The following IL1RAPL1 variants were observed in gnomAD, a reference collection of about 807,000 sequenced individuals.
The protein encoded by IL1RAPL1 is interleukin-1 receptor accessory protein-like 1.
Under a neutral mutation model 48.4 loss-of-function variants are expected in IL1RAPL1, and 3 were observed. The observed-to-expected ratio is 0.06, with a 90% CI of 0.03 to 0.16. IL1RAPL1 has a LOEUF of 0.16. IL1RAPL1 is among the 10% of genes least tolerant of loss of function. IL1RAPL1 has a pLI of 1.00. For synonymous variants in IL1RAPL1, 185 were observed against 187.7 expected (o/e 0.99, Z 0.12); for missense variants, 349 against 530.6 (o/e 0.66, Z 3.36).
chrX:29,619,117 G>A (rs1026163110), intron 5 of IL1RAPL1, among the ~76,000 whole-genome samples: 4 of 111,515 alleles, frequency 3.6e-5, no homozygotes, highest in African/African-American at 9.8e-5. Flanking sequence ...ATGTTGTTGA[G>A]TGGTCTTCGT....
At chrX:28,955,943 C>A (rs1398723569) in intron 2 of IL1RAPL1, among the ~76,000 whole-genome samples, 8 of 94,652 alleles carry the variant, frequency 8.5e-5, no homozygotes, top group Non-Finnish European at 1.3e-4. Context: ...CTTTTATTTC[C>A]TTGAGCAGTG....
intron 6 of IL1RAPL1, among the ~76,000 whole-genome samples, chrX:29,831,730 G>A (rs1328250243): frequency 9.0e-6 from 1 of 111,497 alleles, no homozygotes; most frequent in Non-Finnish European, 1.9e-5. Context: ...AAAGTGGAGA[G>A]CCTTGTCTAA....
intron 3 of IL1RAPL1, among the ~76,000 whole-genome samples, chrX:29,340,900 C>T (rs1171722188): frequency 1.8e-5 from 2 of 111,457 alleles, no homozygotes; most frequent in African/African-American, 3.3e-5. Context: ...CATCTAGTGC[C>T]CTTAAAAATA....
intron 2 of IL1RAPL1, among the ~76,000 whole-genome samples, chrX:28,889,581 A>G (rs1248347197): frequency 9.0e-6 from 1 of 111,453 alleles, no homozygotes; most frequent in East Asian, 2.8e-4. Flanking sequence ...TTCTGAAGAC[A>G]TATTTTTTCA....
At chrX:29,845,397 G>A (rs1159652460) in intron 6 of IL1RAPL1, among the ~76,000 whole-genome samples, 2 of 110,856 alleles carry the variant, frequency 1.8e-5, no homozygotes, top group Non-Finnish European at 3.8e-5. Context: ...CGGGTAGGGA[G>A]GGTTTTGTGG....
Position 29,922,104 on chromosome X carries a change from A to G in IL1RAPL1, c.1057+2010A>G, listed in dbSNP as rs200758301. ...GTGACAGTTAAGTAGGAATCAAAGG[A>G]GAAGGGGAGGAAAATGAATTATATC... On this transcript the variant is annotated intron_variant, in intron 8 of 10. Transcript: ENST00000378993. Among the ~76,000 whole-genome samples the G allele has an allele frequency of 2.0e-4, 22 of 110,923 alleles. No homozygotes were observed. In the East Asian group the frequency reaches 6.3e-3, roughly 32 times the overall value.
intron 6 of IL1RAPL1, among the ~76,000 whole-genome samples, chrX:29,766,342 A>T (rs200363477): frequency 0.045 from 2,130 of 47,462 alleles, 66 homozygotes; most frequent in African/African-American, 0.072. Context: ...AAAAAAAAAA[A>T]ATATATATAT....
Position 28,605,627 on chromosome X carries a change from G to A in IL1RAPL1, c.-25+17580G>A, listed in dbSNP as rs139182623. On this transcript the variant is annotated intron_variant, in intron 1 of 10. Transcript: ENST00000378993. Reference sequence around the variant, plus strand: ...AGTCTGCTCTCAATATAGCAGCTACGGTTGCCTTTTGAAAATGGACAGGTT... The same window carrying A: ...AGTCTGCTCTCAATATAGCAGCTACAGTTGCCTTTTGAAAATGGACAGGTT... Among the ~76,000 whole-genome samples, 1,092 of 112,104 alleles carry A rather than the reference G, an allele frequency of 9.7e-3. 12 individuals carry two copies. Among genetic ancestry groups the A allele is most frequent in the African/African-American group, 0.033 (1,027 of 30,899 alleles).
Position 29,707,414 on chromosome X carries a change from C to T in IL1RAPL1, c.778+38910C>T, listed in dbSNP as rs761568860. Among the ~76,000 whole-genome samples the T allele has an allele frequency of 2.7e-5, 3 of 111,808 alleles. No homozygotes were observed. In the South Asian group the frequency reaches 1.1e-3, roughly 41 times the overall value. The stretch of plus-strand genomic sequence containing the variant: ...AAGAACCAAAAGTAGATCTTTTGAT[C>T]CAGCATTCTCACTACTAGGTATGTA... On this transcript the variant is annotated intron_variant, in intron 6 of 10. Coordinates refer to ENST00000378993, the MANE Select transcript of IL1RAPL1 (RefSeq NM_014271.4).
At chrX:28,616,454 A>G (rs1934219032) in intron 1 of IL1RAPL1, among the ~76,000 whole-genome samples, 1 of 104,054 alleles carries the variant, frequency 9.6e-6, no homozygotes, top group South Asian at 4.3e-4. Flanking sequence ...TTTTTTTTAG[A>G]TGGCGTTTCA....
chrX:29,735,093 G>A (rs766461511), intron 6 of IL1RAPL1, among the ~76,000 whole-genome samples: 71 of 111,818 alleles, frequency 6.3e-4, no homozygotes, highest in Non-Finnish European at 1.1e-3. Context: ...GTCTGGAATC[G>A]AACTCCCTAA....
At chrX:29,099,474 A>G (rs1266397193) in intron 2 of IL1RAPL1, among the ~76,000 whole-genome samples, 1 of 112,103 alleles carries the variant, frequency 8.9e-6, no homozygotes, top group Non-Finnish European at 1.9e-5. Context: ...TCCTTACAAT[A>G]ACATTACTAA....
intron 1 of IL1RAPL1, among the ~76,000 whole-genome samples, chrX:28,611,868 G>A (rs1306877646): frequency 8.9e-6 from 1 of 112,585 alleles, no homozygotes; most frequent in East Asian, 2.8e-4. Flanking sequence ...AATATGATGA[G>A]GGCCAGGACA....
intron 2 of IL1RAPL1, among the ~76,000 whole-genome samples, chrX:29,139,938 G>T (rs1041760754): frequency 9.0e-6 from 1 of 111,121 alleles, no homozygotes; most frequent in Non-Finnish European, 1.9e-5. Context: ...TGCTATAAAG[G>T]AATCCCTGAG....
chrX:28,869,530 A>G (rs1358477176), intron 2 of IL1RAPL1, among the ~76,000 whole-genome samples: 1 of 112,263 alleles, frequency 8.9e-6, no homozygotes, highest in Non-Finnish European at 1.9e-5. Flanking sequence ...AAGAAAGTAA[A>G]GTGGGATATG....
intron 3 of IL1RAPL1, among the ~76,000 whole-genome samples, chrX:29,316,792 T>C (rs1395401389): frequency 9.0e-6 from 1 of 111,057 alleles, no homozygotes; most frequent in Admixed American, 9.6e-5. Flanking sequence ...TGGGTCAGAG[T>C]GACCTGTAGG....
At chrX:29,173,734 T>C (rs1192126960) in intron 2 of IL1RAPL1, among the ~76,000 whole-genome samples, 2 of 111,616 alleles carry the variant, frequency 1.8e-5, no homozygotes, top group African/African-American at 6.5e-5. Context: ...AAAGGTAAAA[T>C]GTAGAAGACG....
chrX:28,854,394 T>C (rs1393059252), intron 2 of IL1RAPL1, among the ~76,000 whole-genome samples: 2 of 110,434 alleles, frequency 1.8e-5, no homozygotes, highest in Admixed American at 1.9e-4. Context: ...CCTAGGTTTT[T>C]TGGTTTAGAG....
At chrX:28,678,600 TAGAG>T (rs1044702956) in intron 1 of IL1RAPL1, among the ~76,000 whole-genome samples, 5 of 111,262 alleles carry the variant, frequency 4.5e-5, no homozygotes, top group Admixed American at 9.6e-5. Context: ...GAGAGAAAAA[TAGAG>T]AGAAGGAAAG....
Sources: gnomAD v4.1 joint callset for allele counts (sites outside exome capture counted in the v4.1 genomes callset) on GRCh38, gnomAD v4.1.1 for gene constraint, MANE v1.5 for transcripts, NCBI Gene and HGNC (gene_info 2026-07-23, HGNC 2026-07-21) for gene names.